The following CDCA5 variants were observed in gnomAD, a reference collection of about 807,000 sequenced individuals.
CDCA5 encodes the protein sororin.
CDCA5 carries 14 observed loss-of-function variants against 25.7 expected under a neutral mutation model. The ratio of observed to expected loss-of-function variants is 0.54; its 90% CI spans 0.36 to 0.85. The LOEUF is 0.85. Among genes scored for constraint, CDCA5 ranks in the 40% least tolerant of loss-of-function variants. The pLI is 0.01. For synonymous variants in CDCA5, 127 were observed against 128.7 expected (o/e 0.99, Z 0.09); for missense variants, 307 against 324.5 (o/e 0.95, Z 0.41).
chr11:65,067,789 G>A (rs1478218297), intron 3 of CDCA5: 1 of 1,188,718 alleles, frequency 8.4e-7, no homozygotes, highest in Admixed American at 2.3e-5. Flanking sequence ...AGGCCAGAGG[G>A]TCTAGGGGAT....
intron 5 of CDCA5, 55 bp downstream of exon 5, chr11:65,079,298 G>C (rs763338557): frequency 2.5e-6 from 4 of 1,613,078 alleles, no homozygotes; most frequent in Non-Finnish European, 3.4e-6. Context: ...CAGAGCCCCA[G>C]CCCTGCACGT....
downstream of CDCA5, among the ~76,000 whole-genome samples, chr11:65,075,588 G>C (rs1187579051): frequency 6.6e-6 from 1 of 152,096 alleles, no homozygotes; most frequent in East Asian, 1.9e-4. Flanking sequence ...CTGGCCACAT[G>C]GGGTGAAGGA....
At chr11:65,082,436 T>G (rs1451644582) in intron 4 of CDCA5, among the ~76,000 whole-genome samples, 1 of 151,906 alleles carries the variant, frequency 6.6e-6, no homozygotes, top group Non-Finnish European at 1.5e-5. Flanking sequence ...ATGGCTTCTT[T>G]GACCTGGAAC....
intron 1 of CDCA5, among the ~76,000 whole-genome samples, chr11:65,069,743 A>G (rs1947305301): frequency 6.6e-6 from 1 of 152,276 alleles, no homozygotes; most frequent in Non-Finnish European, 1.5e-5. Context: ...AGGGGCCTAA[A>G]AGGCCCAAAT....
intron 1 of CDCA5, among the ~76,000 whole-genome samples, chr11:65,071,772 G>A (rs987001846): frequency 4.6e-5 from 7 of 152,212 alleles, no homozygotes; most frequent in African/African-American, 1.4e-4. Flanking sequence ...TGAGGAGGAT[G>A]AGCAGATAGA....
downstream of CDCA5, among the ~76,000 whole-genome samples, chr11:65,064,526 T>C (rs1947214754): frequency 6.6e-6 from 1 of 151,854 alleles, no homozygotes; most frequent in Non-Finnish European, 1.5e-5. Flanking sequence ...AGTCCTTAAA[T>C]GGGTAATTGA....
chr11:65,066,916 G>A (rs1947249891), intron 4 of CDCA5: 1 of 1,284,362 alleles, frequency 7.8e-7, no homozygotes, highest in Non-Finnish European at 1.0e-6. Context: ...ACCTCAGCCA[G>A]GCTTTTGTTC....
chr11:65,078,730 G>C lies in CDCA5; in HGVS notation c.*377C>G. On this transcript the variant is annotated 3_prime_UTR_variant, in exon 6 of 6. Coordinates refer to ENST00000275517, the MANE Select transcript of CDCA5 (RefSeq NM_080668.4). ...GAGCCCCTGGGCCTATTTCCAAGCA[G>C]CCACCCCTCCCAACAAGAGCAGAGG... 8 of 1,021,990 alleles carry C rather than the reference G, an allele frequency of 7.8e-6. No individual in the cohort carries two copies. Among genetic ancestry groups the C allele is most frequent in the Non-Finnish European group, 9.4e-6 (8 of 854,570 alleles). The allele number at this position is 1,021,990 out of a possible 1,614,324, so 63.3% of individuals were successfully genotyped here. A position where few individuals can be genotyped will look rare whatever the true frequency, so the allele number is the denominator to read the frequency against.
At chr11:65,070,149 C>T (rs1193541588) in intron 1 of CDCA5, among the ~76,000 whole-genome samples, 1 of 152,246 alleles carries the variant, frequency 6.6e-6, no homozygotes, top group African/African-American at 2.4e-5. Flanking sequence ...TGGGCTGTAG[C>T]CCACAGGGGA....
exon 6 of CDCA5, chr11:65,066,675 G>A (rs1323906910): frequency 3.1e-6 from 4 of 1,288,906 alleles, no homozygotes; most frequent in Middle Eastern, 2.1e-4. Flanking sequence ...ATACAATAAG[G>A]TGGGCTGGAC....
chr11:65,062,219 C>T (rs1292114175), downstream of CDCA5, among the ~76,000 whole-genome samples: 1 of 152,192 alleles, frequency 6.6e-6, no homozygotes, highest in East Asian at 1.9e-4. Flanking sequence ...CGTGCCCAGC[C>T]TGCAGTGGCC....
downstream of CDCA5, among the ~76,000 whole-genome samples, chr11:65,076,200 C>T (rs538719673): frequency 5.9e-5 from 9 of 152,300 alleles, no homozygotes; most frequent in African/African-American, 9.6e-5. Flanking sequence ...ACTGTAGCCC[C>T]GACCTCCCAG....
rs572065480 is a variant in CDCA5 at position 65,078,113 on chromosome 11, G to A, written c.*994C>T. ...CAGCCCCCGCCGCTGTCTGGTACGC[G>A]AGGAAACTTTCCGAGGACTTTACAA... On this transcript the variant is annotated 3_prime_UTR_variant, in exon 6 of 6. Coordinates refer to ENST00000275517, the MANE Select transcript of CDCA5 (RefSeq NM_080668.4). 55 of 985,474 alleles carry A rather than the reference G, an allele frequency of 5.6e-5. No individual in the cohort carries two copies. Among genetic ancestry groups the A allele is most frequent in the Non-Finnish European group, 6.4e-5 (53 of 829,964 alleles). 61.0% of individuals were successfully genotyped at this position (985,474 alleles called of 1,614,324 possible).
At chr11:65,083,903 C>T in intron 1 of CDCA5, 30 bp downstream of exon 1, 1 of 1,609,144 alleles carries the variant, frequency 6.2e-7, no homozygotes, top group Non-Finnish European at 8.5e-7. Flanking sequence ...AACGGCTCGA[C>T]CTCACGTCTC....
intron 3 of CDCA5, chr11:65,067,928 G>A: frequency 1.1e-6 from 1 of 909,380 alleles, no homozygotes; most frequent in Admixed American, 2.3e-5. Flanking sequence ...CTGGGTGTGG[G>A]GTGGGGAGAA....
chr11:65,077,693 C>T lies in CDCA5; in HGVS notation c.*1414G>A, dbSNP rs2137116201. 3 of 985,502 alleles carry T rather than the reference C, an allele frequency of 3.0e-6. No individual in the cohort carries two copies. The highest frequency in any genetic ancestry group is 9.4e-5 in the South Asian group (2 of 21,290). The allele number at this position is 985,502 out of a possible 1,614,324, so 61.0% of individuals were successfully genotyped here. A position where few individuals can be genotyped will look rare whatever the true frequency, so the allele number is the denominator to read the frequency against. ...CTCAAGGACACCTAGGCTTCCCCAG[C>T]AGGGGGCTTGCTTGCAGGTCTGACA... On this transcript the variant is annotated 3_prime_UTR_variant, in exon 6 of 6. Transcript: ENST00000275517.
At chr11:65,083,889 C>T in intron 1 of CDCA5, 44 bp downstream of exon 1, 8 of 1,608,520 alleles carry the variant, frequency 5.0e-6, no homozygotes, top group Non-Finnish European at 6.8e-6. Flanking sequence ...GACTGCGTCC[C>T]CCAAACGGCT....
chr11:65,081,794 C>A (rs189148948), intron 4 of CDCA5, among the ~76,000 whole-genome samples: 1 of 152,018 alleles, frequency 6.6e-6, no homozygotes. Context: ...AGTGAACCCT[C>A]ATCTCTATAA....
In CDCA5 at chr11:65,066,418, C is replaced by T. The variant is rs1162625156; in HGVS notation, c.619G>A (p.Asp207Asn). Residue 207 changes from aspartate (D) to asparagine (N), a missense_variant, in exon 7 of 7, where the codon GAC becomes AAC. Transcript: ENST00000525464. ...CAGGCCTGACCCTGGTCTCTGTGGT[C>T]GTGGGGCAGGTCAGGCAGCTTGAAG... 8.0e-6 allele frequency: 10 copies of T among 1,251,984 alleles called. No individual in the cohort carries two copies. The East Asian group carries it at 3.4e-4, about 43-fold the overall frequency. The allele number at this position is 1,251,984 out of a possible 1,614,324, so 77.6% of individuals were successfully genotyped here. A position where few individuals can be genotyped will look rare whatever the true frequency, so the allele number is the denominator to read the frequency against.
Sources: allele counts gnomAD v4.1 joint callset (sites outside exome capture counted in the v4.1 genomes callset), GRCh38; gene constraint gnomAD v4.1.1; transcripts MANE v1.5; gene names NCBI Gene and HGNC (gene_info 2026-07-23, HGNC 2026-07-21).